PTPRE: variants seen among roughly 807,000 people sequenced by gnomAD.
The protein encoded by PTPRE is protein tyrosine phosphatase receptor type E, also known as receptor-type tyrosine-protein phosphatase epsilon.
Under a neutral mutation model 102.0 loss-of-function variants are expected in PTPRE, and 51 were observed. The observed-to-expected ratio is 0.50, with a 90% CI of 0.40 to 0.63. The LOEUF is 0.63. PTPRE is among the 30% of genes least tolerant of loss of function. PTPRE has a pLI of 0.00. For synonymous variants in PTPRE, 345 were observed against 348.2 expected (o/e 0.99, Z 0.10); for missense variants, 752 against 915.1 (o/e 0.82, Z 2.30).
chr10:127,972,106 G>A lies in PTPRE; in HGVS notation c.-30-10168G>A, dbSNP rs564486017. Among the ~76,000 whole-genome samples, 4 of 152,258 alleles carry A rather than the reference G, an allele frequency of 2.6e-5. No individual in the cohort carries two copies. In the East Asian group the frequency reaches 7.7e-4, roughly 29 times the overall value. On this transcript the variant is annotated intron_variant, in intron 1 of 20. Coordinates refer to ENST00000254667, the MANE Select transcript of PTPRE (RefSeq NM_006504.6). Reference sequence around the variant, plus strand: ...CTGTGCACTTCGAAGCCATGATGCTGCCTGACCATGAGGGTAACATGGGGG... The same window carrying A: ...CTGTGCACTTCGAAGCCATGATGCTACCTGACCATGAGGGTAACATGGGGG...
intron 8 of PTPRE, 32 bp from the exon 9 acceptor site, chr10:128,061,647 A>G (rs1184958546): frequency 6.3e-7 from 1 of 1,574,862 alleles, no homozygotes. Flanking sequence ...GATAATTCTG[A>G]AAAAATATAA....
chr10:128,051,136 C>T (rs1243801720), intron 6 of PTPRE, among the ~76,000 whole-genome samples: 1 of 152,182 alleles, frequency 6.6e-6, no homozygotes, highest in East Asian at 1.9e-4. Flanking sequence ...GATCCCCTCC[C>T]CCACCCTTCT....
At chr10:128,078,863 G>C (rs1487739120) in intron 19 of PTPRE, among the ~76,000 whole-genome samples, 1 of 152,318 alleles carries the variant, frequency 6.6e-6, no homozygotes, top group African/African-American at 2.4e-5. Context: ...GCCCACATGT[G>C]AGATTATGGA....
In PTPRE at chr10:128,079,442, A is replaced by G. The variant is rs954402701; in HGVS notation, c.1893-118A>G. The stretch of plus-strand genomic sequence containing the variant: ...ATCAAAAAAAAATTCAGTCAAACTC[A>G]GATCATTTTCAGCGATTGTTGCTTC... On this transcript the variant is annotated intron_variant, in intron 19 of 20. Coordinates refer to ENST00000254667, the MANE Select transcript of PTPRE (RefSeq NM_006504.6). 8 of 1,339,646 alleles carry G rather than the reference A, an allele frequency of 6.0e-6. No individual in the cohort carries two copies. In the African/African-American group the frequency reaches 1.2e-4, roughly 20 times the overall value. 83.0% of individuals were successfully genotyped at this position (1,339,646 alleles called of 1,614,324 possible).
rs575298823 is a variant in PTPRE, at chr10:128,083,206, G to A, written c.*300G>A. 1.6e-5 allele frequency: 3 copies of A among 192,028 alleles called. No individual in the cohort carries two copies. The South Asian group carries it at 3.6e-4, about 23-fold the overall frequency. The allele number at this position is 192,028 out of a possible 1,614,324, so 11.9% of individuals were successfully genotyped here. A position where few individuals can be genotyped will look rare whatever the true frequency, so the allele number is the denominator to read the frequency against. ...TTTCACATATTCAACACCTTTAAAT[G>A]TTGTAATCTTAATATGCGAAGTGTG... On this transcript the variant is annotated 3_prime_UTR_variant, in exon 21 of 21. Coordinates refer to ENST00000254667, the MANE Select transcript of PTPRE (RefSeq NM_006504.6).
At chr10:127,989,081 T>C (rs1025345282) in intron 2 of PTPRE, among the ~76,000 whole-genome samples, 38 of 152,304 alleles carry the variant, frequency 2.5e-4, no homozygotes, top group Admixed American at 2.4e-3. Flanking sequence ...AGTATTTAAC[T>C]GATTTCAAAC....
intron 1 of PTPRE, among the ~76,000 whole-genome samples, chr10:127,939,211 T>A (rs1316702732): frequency 6.6e-6 from 1 of 152,192 alleles, no homozygotes; most frequent in South Asian, 2.1e-4. Flanking sequence ...TTCAGTAACA[T>A]GACTTGAGAA....
chr10:127,946,492 T>C (rs115051254), intron 1 of PTPRE, among the ~76,000 whole-genome samples: 1,572 of 146,992 alleles, frequency 0.011, 154 homozygotes, highest in African/African-American at 0.033. Flanking sequence ...TGCATCTGCA[T>C]CATGGAGCAG....
At chr10:127,925,850 T>C (rs916032390) in intron 1 of PTPRE, among the ~76,000 whole-genome samples, 2 of 152,196 alleles carry the variant, frequency 1.3e-5, no homozygotes, top group Non-Finnish European at 2.9e-5. Flanking sequence ...CAGCAGCTGA[T>C]AGGTAAAGGG....
intron 1 of PTPRE, among the ~76,000 whole-genome samples, chr10:127,946,279 A>G (rs1443038967): frequency 1.3e-5 from 2 of 152,236 alleles, no homozygotes; most frequent in Non-Finnish European, 2.9e-5. Flanking sequence ...CTATTCGTGT[A>G]TATACCATTT....
At chr10:127,966,646 G>A (rs113054441) in intron 1 of PTPRE, among the ~76,000 whole-genome samples, 156 of 152,222 alleles carry the variant, frequency 1.0e-3, no homozygotes, top group African/African-American at 3.5e-3. Context: ...CACCCCACCC[G>A]CCACCCCAAG....
chr10:128,014,041 C>T (rs752865999), intron 2 of PTPRE, among the ~76,000 whole-genome samples: 25 of 152,256 alleles, frequency 1.6e-4, no homozygotes, highest in Middle Eastern at 3.4e-3. Context: ...TGCCTCAGGC[C>T]AAATTGCCTG....
intron 11 of PTPRE, among the ~76,000 whole-genome samples, chr10:128,067,300 GCA>G (rs1850297752): frequency 7.1e-6 from 1 of 140,110 alleles, no homozygotes; most frequent in African/African-American, 2.7e-5. Context: ...ACGCACAGAT[GCA>G]CACATGCACA....
chr10:127,999,475 G>A (rs998052311), intron 2 of PTPRE: 55 of 936,692 alleles, frequency 5.9e-5, no homozygotes, highest in Non-Finnish European at 6.6e-5. Context: ...AATCCAACTC[G>A]TCCTGGGAGC....
In PTPRE at chr10:127,984,550, C is replaced by G. The variant is rs369030992; in HGVS notation, c.-8+2254C>G. On this transcript the variant is annotated intron_variant, in intron 2 of 20. Transcript: ENST00000254667. ...GTCTGCTGCCTTTGTTTGGGACCTGCCCACTGGGCCACTGATATGGTTTGG... is the reference window on the plus strand; with the variant it reads ...GTCTGCTGCCTTTGTTTGGGACCTGGCCACTGGGCCACTGATATGGTTTGG... Among the ~76,000 whole-genome samples, 149 of 152,270 alleles carry G rather than the reference C, an allele frequency of 9.8e-4. 1 individual carries two copies. The highest frequency in any genetic ancestry group is 3.4e-3 in the Middle Eastern group (1 of 294).
intron 1 of PTPRE, among the ~76,000 whole-genome samples, chr10:127,933,176 G>A (rs1250819464): frequency 6.6e-6 from 1 of 152,090 alleles, no homozygotes; most frequent in Non-Finnish European, 1.5e-5. Flanking sequence ...CCTTCACAAC[G>A]GTACCTGGAT....
chr10:128,047,261 G>A lies in PTPRE; in HGVS notation c.110-129G>A, dbSNP rs952929093. ...CTGTTACCTCGTGGGGCCTTTTCAGGATGATGGATCCACTTTACAAAATAT... is the reference window on the plus strand; with the variant it reads ...CTGTTACCTCGTGGGGCCTTTTCAGAATGATGGATCCACTTTACAAAATAT... On this transcript the variant is annotated intron_variant, in intron 3 of 20. Coordinates refer to ENST00000254667, the MANE Select transcript of PTPRE (RefSeq NM_006504.6). 5.9e-6 allele frequency: 8 copies of A among 1,346,980 alleles called. No individual in the cohort carries two copies. In the African/African-American group the frequency reaches 1.2e-4, roughly 20 times the overall value. The allele number at this position is 1,346,980 out of a possible 1,614,324, so 83.4% of individuals were successfully genotyped here.
chr10:127,949,060 A>G (rs1027118034), intron 1 of PTPRE, among the ~76,000 whole-genome samples: 4 of 152,238 alleles, frequency 2.6e-5, no homozygotes, highest in African/African-American at 9.6e-5. Flanking sequence ...AACTTACACC[A>G]GTGCCCCACC....
chr10:128,041,646 C>CAAAAAA (rs59411622), intron 3 of PTPRE, among the ~76,000 whole-genome samples: 2 of 77,362 alleles, frequency 2.6e-5, no homozygotes, highest in East Asian at 4.0e-4. Flanking sequence ...GACTACGTCT[C>CAAAAAA]AAAAAAAAAA....
Sources: gnomAD v4.1 joint callset for allele counts (sites outside exome capture counted in the v4.1 genomes callset) on GRCh38, gnomAD v4.1.1 for gene constraint, MANE v1.5 for transcripts, NCBI Gene and HGNC (gene_info 2026-07-23, HGNC 2026-07-21) for gene names.